Variants in PTPRD observed in about 807,000 individuals in gnomAD.
PTPRD encodes the protein protein tyrosine phosphatase receptor type D.
Under a neutral mutation model 214.5 loss-of-function variants are expected in PTPRD, and 34 were observed. The ratio of observed to expected loss-of-function variants is 0.16; its 90% CI spans 0.12 to 0.21. The LOEUF (loss-of-function observed/expected upper bound fraction) is 0.21. PTPRD is among the 10% of genes least tolerant of loss of function. The pLI, the probability that PTPRD is intolerant of heterozygous loss-of-function variation, is 1.00. For synonymous variants in PTPRD, 1,128 were observed against 845.7 expected, an observed-to-expected ratio of 1.33 and a Z score of -5.79; for missense variants, 2,545 against 2,398.7, an observed-to-expected ratio of 1.06 and a Z score of -1.27.
intron 3 of PTPRD, among the ~76,000 whole-genome samples, chr9:10,337,590 T>G (rs1248063926): frequency 6.6e-6 from 1 of 151,732 alleles, no homozygotes; most frequent in Middle Eastern, 3.2e-3. Context: ...CTTTGCAATT[T>G]GGGAATTTAA....
At chr9:8,785,568 C>A (rs986483707) in intron 11 of PTPRD, among the ~76,000 whole-genome samples, 1 of 152,184 alleles carries the variant, frequency 6.6e-6, no homozygotes, top group Admixed American at 6.5e-5. Flanking sequence ...TATTAAAGAC[C>A]ATCAGCTAGG....
intron 14 of PTPRD, among the ~76,000 whole-genome samples, chr9:8,597,456 G>C (rs184700870): frequency 6.6e-6 from 1 of 151,460 alleles, no homozygotes; most frequent in African/African-American, 2.4e-5. Flanking sequence ...GTTCCACAAA[G>C]AATTTACCAA....
At chr9:10,058,948 TTC>T (rs2097707649) in intron 3 of PTPRD, among the ~76,000 whole-genome samples, 1 of 152,090 alleles carries the variant, frequency 6.6e-6, no homozygotes, top group South Asian at 2.1e-4. Context: ...TAGGTAGAAT[TTC>T]TTTTTTTGTC....
chr9:9,433,298 T>C (rs72704605), intron 8 of PTPRD, among the ~76,000 whole-genome samples: 9,547 of 152,168 alleles, frequency 0.063, 330 homozygotes, highest in Middle Eastern at 0.18. Context: ...CTGGGATCAG[T>C]AGGAAGTCAT....
chr9:9,867,057 G>C (rs1166705593), intron 5 of PTPRD, among the ~76,000 whole-genome samples: 1 of 152,072 alleles, frequency 6.6e-6, no homozygotes, highest in Non-Finnish European at 1.5e-5. Flanking sequence ...TAGACTCAAA[G>C]TTTACAAACA....
intron 9 of PTPRD, among the ~76,000 whole-genome samples, chr9:9,211,434 C>T (rs2099948536): frequency 1.3e-5 from 2 of 151,510 alleles, no homozygotes; most frequent in South Asian, 4.1e-4. Flanking sequence ...TTTTTAAGTA[C>T]TGTATAAATA....
chr9:9,362,752 T>C (rs1257658190), intron 9 of PTPRD, among the ~76,000 whole-genome samples: 1 of 151,280 alleles, frequency 6.6e-6, no homozygotes, highest in Non-Finnish European at 1.5e-5. Flanking sequence ...TTAACTAGGA[T>C]TTCCTTGATA....
At chr9:9,991,799 C>A (rs1266328851) in intron 4 of PTPRD, among the ~76,000 whole-genome samples, 1 of 150,664 alleles carries the variant, frequency 6.6e-6, no homozygotes, top group Non-Finnish European at 1.5e-5. Context: ...CCAGACAATT[C>A]CAATAACAAA....
chr9:8,651,051 A>G (rs1037805350), intron 12 of PTPRD, among the ~76,000 whole-genome samples: 3 of 152,168 alleles, frequency 2.0e-5, no homozygotes, highest in African/African-American at 7.2e-5. Context: ...AATTGAGCAC[A>G]TGTAGCAAGA....
intron 9 of PTPRD, among the ~76,000 whole-genome samples, chr9:9,269,432 A>G (rs1941818463): frequency 1.4e-5 from 2 of 146,128 alleles, no homozygotes; most frequent in South Asian, 4.4e-4. Context: ...AGCCACTATG[A>G]AAACAATATG....
At chr9:9,325,409 T>G (rs1271310779) in intron 9 of PTPRD, among the ~76,000 whole-genome samples, 1 of 152,204 alleles carries the variant, frequency 6.6e-6, no homozygotes. Context: ...GTCCTTCATA[T>G]CCCTTGCAAG....
intron 2 of PTPRD, among the ~76,000 whole-genome samples, chr9:10,503,050 A>T (rs1242765993): frequency 1.1e-4 from 17 of 151,872 alleles, no homozygotes. Context: ...TTAGAATGTC[A>T]ATTTTCTTTT....
At chr9:9,482,638 G>A (rs1228762994) in intron 8 of PTPRD, among the ~76,000 whole-genome samples, 1 of 152,158 alleles carries the variant, frequency 6.6e-6, no homozygotes, top group African/African-American at 2.4e-5. Context: ...ATTCTCTTCT[G>A]AGGACATCAG....
At chr9:10,555,852 G>A (rs1468034915) in intron 2 of PTPRD, among the ~76,000 whole-genome samples, 1 of 152,026 alleles carries the variant, frequency 6.6e-6, no homozygotes, top group African/African-American at 2.4e-5. Flanking sequence ...TAAATATTGA[G>A]TACTAAGAAA....
intron 5 of PTPRD, among the ~76,000 whole-genome samples, chr9:9,850,873 CT>C (rs1356923567): frequency 1.3e-5 from 2 of 152,180 alleles, no homozygotes; most frequent in African/African-American, 4.8e-5. Flanking sequence ...ATTTTACTCT[CT>C]GCTTCTATGA....
intron 11 of PTPRD, among the ~76,000 whole-genome samples, chr9:8,906,933 C>G (rs918211882): frequency 2.0e-5 from 3 of 152,046 alleles, no homozygotes; most frequent in Admixed American, 6.6e-5. Context: ...CCATCCATCA[C>G]TGATTGCCTG....
intron 2 of PTPRD, among the ~76,000 whole-genome samples, chr9:10,585,446 C>T (rs899235547): frequency 6.9e-6 from 1 of 145,344 alleles, no homozygotes; most frequent in Non-Finnish European, 1.5e-5. Flanking sequence ...GACATATTCT[C>T]CAATTCAGAA....
chr9:9,373,481 A>T (rs2060051239), intron 9 of PTPRD, among the ~76,000 whole-genome samples: 1 of 152,048 alleles, frequency 6.6e-6, no homozygotes, highest in Non-Finnish European at 1.5e-5. Context: ...TTCTGAAATG[A>T]GTCTTATGGG....
At chr9:9,748,978 A>G (rs1038430407) in intron 6 of PTPRD, among the ~76,000 whole-genome samples, 1 of 152,198 alleles carries the variant, frequency 6.6e-6, no homozygotes, top group African/African-American at 2.4e-5. Flanking sequence ...ATAGTGTGGC[A>G]AAACCCAATA....
Sources: allele counts gnomAD v4.1 joint callset (sites outside exome capture counted in the v4.1 genomes callset), GRCh38; gene constraint gnomAD v4.1.1; transcripts MANE v1.5; gene names NCBI Gene and HGNC (gene_info 2026-07-23, HGNC 2026-07-21).